Variants in CNTN5 observed in about 807,000 individuals in gnomAD.
The protein encoded by CNTN5 is contactin 5, also known as contactin-5.
Under a neutral mutation model 129.1 loss-of-function variants are expected in CNTN5, and 77 were observed. The observed-to-expected ratio is 0.60, with a 90% CI of 0.50 to 0.72. CNTN5 has a LOEUF of 0.72. Ranked by LOEUF, CNTN5 falls within the 30% of genes least tolerant of loss-of-function variation. The pLI, the probability that CNTN5 is intolerant of heterozygous loss-of-function variation, is 0.00. For missense variants in CNTN5, 1,478 were observed against 1,328.8 expected, an observed-to-expected ratio of 1.11 and a Z score of -1.75; for synonymous variants, 509 against 465.6, an observed-to-expected ratio of 1.09 and a Z score of -1.20.
At chr11:99,837,589 T>C (rs556222143) in intron 4 of CNTN5, among the ~76,000 whole-genome samples, 2 of 150,482 alleles carry the variant, frequency 1.3e-5, no homozygotes, top group South Asian at 2.1e-4. Context: ...CATGGCCCCA[T>C]GTCAAACCTA....
intron 1 of CNTN5, among the ~76,000 whole-genome samples, chr11:99,150,382 G>A (rs1029401382): frequency 6.6e-6 from 1 of 151,884 alleles, no homozygotes. Context: ...GCAAATCTTT[G>A]TTGAAGATTC....
chr11:100,038,593 G>T (rs12799985), intron 9 of CNTN5, among the ~76,000 whole-genome samples: 17,347 of 152,080 alleles, frequency 0.11, 1,197 homozygotes, highest in Non-Finnish European at 0.15. Flanking sequence ...TTATTATTGT[G>T]TGGGAGTCTA....
chr11:99,658,716 AAAAT>A (rs1565398229), intron 3 of CNTN5, among the ~76,000 whole-genome samples: 7 of 114,970 alleles, frequency 6.1e-5, no homozygotes, highest in Non-Finnish European at 1.1e-4. Context: ...TACTAAAAAA[AAAAT>A]ATATATATAT....
chr11:99,761,590 T>C (rs1418029968), intron 3 of CNTN5, among the ~76,000 whole-genome samples: 2 of 152,130 alleles, frequency 1.3e-5, no homozygotes, highest in African/African-American at 4.8e-5. Flanking sequence ...ACAAAGGACA[T>C]GAACTCATCC....
chr11:99,258,770 G>A (rs1862496742), intron 1 of CNTN5, among the ~76,000 whole-genome samples: 1 of 151,878 alleles, frequency 6.6e-6, no homozygotes, highest in Non-Finnish European at 1.5e-5. Flanking sequence ...ATTATTAGGG[G>A]TTGAATGTAA....
At chr11:100,074,392 GA>G (rs1031075878) in intron 13 of CNTN5, 98 bp downstream of exon 13, 1 of 1,043,730 alleles carries the variant, frequency 9.6e-7, no homozygotes, top group African/African-American at 1.6e-5. Flanking sequence ...GCAGTACCGT[GA>G]GACGTATTTT....
intron 1 of CNTN5, among the ~76,000 whole-genome samples, chr11:99,194,197 A>C (rs1858789503): frequency 6.6e-6 from 1 of 152,166 alleles, no homozygotes; most frequent in Non-Finnish European, 1.5e-5. Context: ...TTTTCAGAAT[A>C]TAAAATTAAA....
intron 1 of CNTN5, among the ~76,000 whole-genome samples, chr11:99,069,340 G>T (rs1865236587): frequency 6.6e-6 from 1 of 151,918 alleles, no homozygotes; most frequent in African/African-American, 2.4e-5. Context: ...TTTAAGTGGA[G>T]GTCAGAAAAA....
chr11:99,263,369 T>C (rs530993616), intron 1 of CNTN5, among the ~76,000 whole-genome samples: 53 of 152,102 alleles, frequency 3.5e-4, no homozygotes, highest in Non-Finnish European at 6.6e-4. Flanking sequence ...TCAAATCTTA[T>C]GAATATCAAA....
intron 1 of CNTN5, among the ~76,000 whole-genome samples, chr11:99,041,957 T>C (rs1156415379): frequency 6.6e-6 from 1 of 152,212 alleles, no homozygotes; most frequent in Non-Finnish European, 1.5e-5. Flanking sequence ...TGTTGCTCCA[T>C]TGGCCTGAAA....
intron 1 of CNTN5, among the ~76,000 whole-genome samples, chr11:99,267,918 A>ATG (rs1555095719): frequency 3.4e-5 from 4 of 117,134 alleles, no homozygotes; most frequent in African/African-American, 3.7e-5. Context: ...ACACACACAC[A>ATG]CGCACACACA....
chr11:99,137,953 T>C (rs774008334), intron 1 of CNTN5, among the ~76,000 whole-genome samples: 8 of 152,200 alleles, frequency 5.3e-5, no homozygotes, highest in Non-Finnish European at 1.0e-4. Context: ...ATCTTTGTTC[T>C]GTAACATAAA....
At position 99,624,961 on chromosome 11, in the gene CNTN5, C is replaced by T. The variant is rs145422801; in HGVS notation, c.55+68692C>T. On this transcript the variant is annotated intron_variant, in intron 3 of 24. Coordinates refer to ENST00000524871, the MANE Select transcript of CNTN5 (RefSeq NM_014361.4). The stretch of plus-strand genomic sequence containing the variant: ...ACACCATGGTGTTTGTTTCACTTGA[C>T]GTGATCAGAGAGCATTACCAGTTAC... Among the ~76,000 whole-genome samples the T allele has an allele frequency of 4.4e-4, 67 of 152,272 alleles. 1 individual carries two copies. In the South Asian group the frequency reaches 0.011, roughly 24 times the overall value.
At chr11:99,357,133 A>G (rs1938730547) in intron 2 of CNTN5, among the ~76,000 whole-genome samples, 1 of 151,838 alleles carries the variant, frequency 6.6e-6, no homozygotes, top group Non-Finnish European at 1.5e-5. Context: ...AAGGAATTTG[A>G]TCAGGGATGC....
chr11:100,210,292 G>A (rs987089145), intron 15 of CNTN5, among the ~76,000 whole-genome samples: 2 of 148,248 alleles, frequency 1.3e-5, no homozygotes, highest in East Asian at 2.1e-4. Context: ...AGAGGTTGCC[G>A]TGAGCCAAGA....
chr11:100,034,061 C>G (rs1941858704), intron 9 of CNTN5, among the ~76,000 whole-genome samples: 3 of 152,156 alleles, frequency 2.0e-5, no homozygotes, highest in Non-Finnish European at 4.4e-5. Flanking sequence ...TACTGTTAAC[C>G]ATTCAAGTAA....
At chr11:99,037,030 A>G (rs1160876242) in intron 1 of CNTN5, among the ~76,000 whole-genome samples, 4 of 152,234 alleles carry the variant, frequency 2.6e-5, no homozygotes, top group Admixed American at 6.5e-5. Flanking sequence ...ATGTTTGTAC[A>G]AATACCATTG....
At chr11:99,778,530 A>G (rs771367257) in intron 3 of CNTN5, among the ~76,000 whole-genome samples, 7 of 151,912 alleles carry the variant, frequency 4.6e-5, no homozygotes, top group Non-Finnish European at 1.0e-4. Context: ...ATTCCCCATC[A>G]AATTGTGGAA....
intron 2 of CNTN5, among the ~76,000 whole-genome samples, chr11:99,518,071 C>T (rs1947128646): frequency 6.6e-6 from 1 of 151,982 alleles, no homozygotes; most frequent in African/African-American, 2.4e-5. Context: ...AGTCATGGAC[C>T]TTCTTTTAGA....
Sources: gnomAD v4.1 joint callset for allele counts (sites outside exome capture counted in the v4.1 genomes callset) on GRCh38, gnomAD v4.1.1 for gene constraint, MANE v1.5 for transcripts, NCBI Gene and HGNC (gene_info 2026-07-23, HGNC 2026-07-21) for gene names.